Variants in ITGA9 observed in about 807,000 individuals in gnomAD.
ITGA9 encodes integrin subunit alpha 9, also known as integrin alpha-9.
Under a neutral mutation model 127.8 loss-of-function variants are expected in ITGA9, and 56 were observed. The ratio of observed to expected loss-of-function variants is 0.44; its 90% CI spans 0.35 to 0.55. The LOEUF is 0.55. Ranked by LOEUF, ITGA9 falls within the 20% of genes least tolerant of loss-of-function variation. ITGA9 has a pLI of 0.00. For missense variants in ITGA9, 1,196 were observed against 1,347.1 expected, an observed-to-expected ratio of 0.89 and a Z score of 1.76; for synonymous variants, 508 against 514.5, an observed-to-expected ratio of 0.99 and a Z score of 0.17.
intron 19 of ITGA9, among the ~76,000 whole-genome samples, chr3:37,734,201 C>T (rs921957474): frequency 6.6e-6 from 1 of 152,310 alleles, no homozygotes. Flanking sequence ...AGTGTCTGCC[C>T]TTGGAAAATG....
intron 15 of ITGA9, among the ~76,000 whole-genome samples, chr3:37,584,339 A>G (rs996032269): frequency 6.6e-6 from 1 of 152,188 alleles, no homozygotes; most frequent in Non-Finnish European, 1.5e-5. Context: ...CCCTCATTCC[A>G]TTGGCCAGAG....
In ITGA9 at chr3:37,818,942, C is replaced by T. The variant is rs375208661; in HGVS notation, c.3061C>T (p.Arg1021Trp). The T allele has an allele frequency of 5.8e-5, 93 of 1,613,982 alleles. No individual in the cohort carries two copies. Among genetic ancestry groups the T allele is most frequent in the South Asian group, 9.9e-5 (9 of 91,078 alleles). The change falls in exon 28 of 28, where the codon CGG (arginine) becomes TGG (tryptophan). Residue 1021 changes from arginine (R) to tryptophan (W), a missense_variant. Coordinates refer to ENST00000264741, the MANE Select transcript of ITGA9 (RefSeq NM_002207.3). ...AGAAATTATCGAAGCTGAGAAGAACCGGAAAGAGAATGAAGACAGTTGGGA... is the reference window on the plus strand; with the variant it reads ...AGAAATTATCGAAGCTGAGAAGAACTGGAAAGAGAATGAAGACAGTTGGGA... ...YKEIIEAEKNRKENEDSWDWV... is the reference protein window; with the variant it reads ...YKEIIEAEKNWKENEDSWDWV...
At chr3:37,503,779 C>A (rs1175427832) in intron 6 of ITGA9, among the ~76,000 whole-genome samples, 5 of 152,178 alleles carry the variant, frequency 3.3e-5, no homozygotes, top group South Asian at 2.1e-4. Context: ...AGAAAAATTT[C>A]TCTTGCTTTC....
chr3:37,466,023 T>C lies in ITGA9; in HGVS notation c.186-4984T>C, dbSNP rs1698366153. ...CCTCCTCTGGCCACCTGCTTCCCTA[T>C]CTGTAAAATGGGGATAATATTAGTA... On this transcript the variant is annotated intron_variant, in intron 1 of 27. Coordinates refer to ENST00000264741, the MANE Select transcript of ITGA9 (RefSeq NM_002207.3). Among the ~76,000 whole-genome samples the C allele has an allele frequency of 2.0e-5, 3 of 152,058 alleles. No homozygotes were observed. In the South Asian group the frequency reaches 6.2e-4, roughly 31 times the overall value.
chr3:37,758,285 T>TGCAGTCC, intron 23 of ITGA9, among the ~76,000 whole-genome samples: 1 of 122,468 alleles, frequency 8.2e-6, no homozygotes, highest in African/African-American at 3.2e-5. Context: ...ATTGCGCCAC[T>TGCAGTCC]GCAGTCCGCA....
In ITGA9 at chr3:37,591,097, G is replaced by T. The variant is rs77197699; in HGVS notation, c.1690-38090G>T. ...AGGAAACTTCCATGCCACCCCTCCT[G>T]CCCCTGGGCTCCAGGGCTCTCGATT... On this transcript the variant is annotated intron_variant, in intron 15 of 27. Transcript: ENST00000264741. Among the ~76,000 whole-genome samples the T allele has an allele frequency of 9.1e-4, 138 of 152,248 alleles. No individual in the cohort carries two copies. In the East Asian group the frequency reaches 0.023, roughly 26 times the overall value.
chr3:37,501,214 G>T (rs1433907182), intron 5 of ITGA9, among the ~76,000 whole-genome samples: 1 of 152,112 alleles, frequency 6.6e-6, no homozygotes, highest in African/African-American at 2.4e-5. Context: ...CAAAAGTAGG[G>T]ATTCCCTGTT....
chr3:37,753,970 G>A (rs1559588562), intron 23 of ITGA9: 2 of 152,176 alleles, frequency 1.3e-5, no homozygotes, highest in African/African-American at 4.8e-5. Flanking sequence ...ACAGCTTATG[G>A]GAGGCAGGCT....
chr3:37,663,073 C>A (rs1700553619), intron 17 of ITGA9, among the ~76,000 whole-genome samples: 1 of 152,210 alleles, frequency 6.6e-6, no homozygotes, highest in African/African-American at 2.4e-5. Flanking sequence ...ATTAGAAGTT[C>A]ATGATCTTTA....
At chr3:37,753,229 A>G (rs1305310918) in intron 23 of ITGA9, among the ~76,000 whole-genome samples, 1 of 152,250 alleles carries the variant, frequency 6.6e-6, no homozygotes, top group Non-Finnish European at 1.5e-5. Flanking sequence ...TGATTTGTTC[A>G]CAAACACTGG....
chr3:37,716,800 C>G lies in ITGA9; in HGVS notation c.2068-15912C>G, dbSNP rs149008668. On this transcript the variant is annotated intron_variant, in intron 18 of 27. Transcript: ENST00000264741. Reference sequence around the variant, plus strand: ...AGCTGGCCCATTAACTGAAAAATGTCAAAAACAAATATAGGAGAAAAGTAA... The same window carrying G: ...AGCTGGCCCATTAACTGAAAAATGTGAAAAACAAATATAGGAGAAAAGTAA... Among the ~76,000 whole-genome samples, 382 of 152,034 alleles carry G rather than the reference C, an allele frequency of 2.5e-3. 1 individual carries two copies. Among genetic ancestry groups the G allele is most frequent in the Non-Finnish European group, 3.7e-3 (250 of 67,982 alleles).
Position 37,573,580 on chromosome 3 carries a change from C to T in ITGA9, c.1689+30995C>T, listed in dbSNP as rs73064757. Reference sequence around the variant, plus strand: ...GATGGGCTGTCATCCAGAACACCTACGTGTGGCCTCTCAATGTGGTCTTTC... The same window carrying T: ...GATGGGCTGTCATCCAGAACACCTATGTGTGGCCTCTCAATGTGGTCTTTC... On this transcript the variant is annotated intron_variant, in intron 15 of 27. Transcript: ENST00000264741. 1.9e-3 allele frequency among the ~76,000 whole-genome samples: 293 copies of T among 152,254 alleles called. 2 individuals carry two copies. The highest frequency in any genetic ancestry group is 3.5e-3 in the Non-Finnish European group (239 of 68,022).
chr3:37,452,496 AG>A lies in ITGA9; in HGVS notation c.125del (p.Gly42AlafsTer37). ...GACCCGCAGCGCCCCGTGCACTTCCAGGGCCCCGCTGACTCGTTCTTCGGCT... is the reference window on the plus strand; with the variant it reads ...GACCCGCAGCGCCCCGTGCACTTCCAGGCCCCGCTGACTCGTTCTTCGGCT... ...NLDPQRPVHF[Q>X]GPADSFFGYA... is the part of the protein sequence containing the mutation. On this transcript the variant is annotated frameshift_variant, in exon 1 of 28. Transcript: ENST00000264741. LOFTEE classifies it high-confidence loss of function. This position sits in a 1 kb window ranked among gnomAD's most constrained non-coding sequence, Gnocchi z 7.3. 1 of 1,513,776 alleles carries A rather than the reference AG, an allele frequency of 6.6e-7. No homozygotes were observed. Among genetic ancestry groups the A allele is most frequent in the Non-Finnish European group, 8.9e-7 (1 of 1,129,768 alleles). 93.8% of individuals were successfully genotyped at this position (1,513,776 alleles called of 1,614,324 possible).
intron 26 of ITGA9, among the ~76,000 whole-genome samples, chr3:37,788,960 A>AT (rs1055891141): frequency 7.9e-5 from 12 of 152,228 alleles, no homozygotes; most frequent in African/African-American, 2.9e-4. Flanking sequence ...GTAAACACTA[A>AT]TTTTTTTATA....
intron 18 of ITGA9, 81 bp from the exon 19 acceptor site, chr3:37,732,631 G>A (rs1433001929): frequency 9.9e-7 from 1 of 1,013,492 alleles, no homozygotes; most frequent in African/African-American, 1.6e-5. Context: ...TGCTCTGAAG[G>A]ACTCGATTGC....
chr3:37,789,865 A>T, intron 26 of ITGA9: 1 of 475,302 alleles, frequency 2.1e-6, no homozygotes, highest in Non-Finnish European at 3.6e-6. Context: ...AAAATGAGAA[A>T]ATAGTCAGGA....
intron 1 of ITGA9, among the ~76,000 whole-genome samples, chr3:37,458,935 T>C (rs940573361): frequency 2.0e-5 from 3 of 152,234 alleles, no homozygotes; most frequent in African/African-American, 2.4e-5. Flanking sequence ...CAAATCCTTT[T>C]AGCCAAGTGG....
At chr3:37,666,828 C>T (rs529628740) in intron 17 of ITGA9, among the ~76,000 whole-genome samples, 1 of 152,322 alleles carries the variant, frequency 6.6e-6, no homozygotes, top group African/African-American at 2.4e-5. Flanking sequence ...CCTGCTCCCA[C>T]AGTGGATGAT....
rs1358216342 is a variant in ITGA9, at chr3:37,597,131, A to G, written c.1690-32056A>G. On this transcript the variant is annotated intron_variant, in intron 15 of 27. Transcript: ENST00000264741. This position sits in a 1 kb window ranked among gnomAD's most constrained non-coding sequence, Gnocchi z 4.6. The stretch of plus-strand genomic sequence containing the variant: ...AAGAGGCGAGGAAGTTTAACTTTAA[A>G]TGAAATTTGGAGTTTTTCACTAATA... Among the ~76,000 whole-genome samples the G allele has an allele frequency of 6.6e-6, 1 of 152,202 alleles. No individual in the cohort carries two copies. Among genetic ancestry groups the G allele is most frequent in the East Asian group, 1.9e-4 (1 of 5,198 alleles).
Sources: gnomAD v4.1 joint callset for allele counts (sites outside exome capture counted in the v4.1 genomes callset) on GRCh38, gnomAD v4.1.1 for gene constraint, Gnocchi (gnomAD v3.1) non-coding constraint, MANE v1.5 for transcripts, NCBI Gene and HGNC (gene_info 2026-07-23, HGNC 2026-07-21) for gene names.